SLC6A11: variants seen among roughly 807,000 people sequenced by gnomAD.
SLC6A11 encodes sodium- and chloride-dependent GABA transporter 3.
In SLC6A11, 25 loss-of-function variants were observed where a neutral mutation model predicts 74.8. That is an observed-to-expected ratio of 0.33 (90% confidence interval 0.24 to 0.47). The LOEUF (loss-of-function observed/expected upper bound fraction) is 0.47, where lower values mean the gene tolerates loss of function less well. Ranked by LOEUF, SLC6A11 falls within the 20% of genes least tolerant of loss-of-function variation. The pLI, the probability that SLC6A11 is intolerant of heterozygous loss-of-function variation, is 1.00. For missense variants in SLC6A11, 574 were observed against 837.0 expected (o/e 0.69, Z 3.88); for synonymous variants, 330 against 330.2 (o/e 1.00, Z 0.01).
At chr3:10,929,509 G>A (rs1339862722) in intron 10 of SLC6A11, among the ~76,000 whole-genome samples, 170 bp downstream of exon 10, 1 of 152,092 alleles carries the variant, frequency 6.6e-6, no homozygotes, top group East Asian at 1.9e-4. Flanking sequence ...TTCTCATCAG[G>A]CCCTCAGCAC....
At chr3:10,904,304 C>A (rs1363510682) in intron 6 of SLC6A11, among the ~76,000 whole-genome samples, 1 of 152,196 alleles carries the variant, frequency 6.6e-6, no homozygotes, top group African/African-American at 2.4e-5. Context: ...GTTCTCTGTA[C>A]CTACTGTGCA....
chr3:10,925,548 G>A (rs941122639), intron 8 of SLC6A11, among the ~76,000 whole-genome samples: 1 of 152,208 alleles, frequency 6.6e-6, no homozygotes, highest in Non-Finnish European at 1.5e-5. Flanking sequence ...ACCAGAGGAA[G>A]AGGCTGCCAG....
chr3:10,925,010 A>G, intron 8 of SLC6A11, among the ~76,000 whole-genome samples: 1 of 152,216 alleles, frequency 6.6e-6, no homozygotes, highest in East Asian at 1.9e-4. Context: ...TAGTCCGAGG[A>G]CGAAAAAAAA....
Position 10,918,863 on chromosome 3 carries a change from T to C in SLC6A11, c.1120+410T>C, listed in dbSNP as rs555481084. 6.6e-6 allele frequency among the ~76,000 whole-genome samples: 1 copy of C among 152,108 alleles called. No homozygotes were observed. The highest frequency in any genetic ancestry group is 2.4e-5 in the African/African-American group (1 of 41,496). On this transcript the variant is annotated intron_variant, in intron 8 of 13. Transcript: ENST00000254488. This position sits in a 1 kb window ranked among gnomAD's most constrained non-coding sequence, Gnocchi z 4.5. ...TTTTTTCAAAATGCAAATTTGAACATGTCTTCTCTGATGAAAAGCCTTTCT... is the reference window on the plus strand; with the variant it reads ...TTTTTTCAAAATGCAAATTTGAACACGTCTTCTCTGATGAAAAGCCTTTCT...
At chr3:10,903,142 A>G (rs1695261457) in intron 6 of SLC6A11, among the ~76,000 whole-genome samples, 1 of 152,186 alleles carries the variant, frequency 6.6e-6, no homozygotes, top group South Asian at 2.1e-4. Flanking sequence ...CTAAGGCATT[A>G]CCACAGCAAA....
At chr3:10,866,836 AG>A (rs1396766556) in intron 5 of SLC6A11, among the ~76,000 whole-genome samples, 4 of 152,294 alleles carry the variant, frequency 2.6e-5, no homozygotes, top group African/African-American at 9.6e-5. Context: ...AAAAATTGTG[AG>A]GAGGCCACAT....
At position 10,935,051 on chromosome 3, in the gene SLC6A11, T is replaced by C. The variant is rs774582956; in HGVS notation, c.1598T>C (p.Ile533Thr). The change falls in exon 13 of 14, where the codon ATC becomes ACC. Residue 533 changes from isoleucine to threonine, a missense_variant. By Grantham distance (89) the Ile-to-Thr change is moderately conservative. Coordinates refer to ENST00000254488, the MANE Select transcript of SLC6A11 (RefSeq NM_014229.3). ...CAGGGGATCTTCATCTTCTTCTTGA[T>C]CAAGTACAAGCCACTCAAGTACAAC... ...ICAGIFIFFL[I>T]KYKPLKYNNI... is the part of the protein sequence containing the mutation. 2.5e-6 allele frequency: 4 copies of C among 1,613,916 alleles called. No individual in the cohort carries two copies. The highest frequency in any genetic ancestry group is 3.4e-6 in the Non-Finnish European group (4 of 1,179,992).
At chr3:10,909,574 T>C (rs1157392539) in intron 6 of SLC6A11, among the ~76,000 whole-genome samples, 1 of 152,208 alleles carries the variant, frequency 6.6e-6, no homozygotes, top group Non-Finnish European at 1.5e-5. Flanking sequence ...TTGCTCACTC[T>C]GGCCTGCACA....
intron 5 of SLC6A11, among the ~76,000 whole-genome samples, chr3:10,868,928 C>T (rs907122493): frequency 1.3e-5 from 2 of 152,184 alleles, no homozygotes; most frequent in Non-Finnish European, 2.9e-5. Flanking sequence ...ATAAATATGC[C>T]TCTGAAAATC....
At chr3:10,840,870 T>C (rs957926340) in intron 4 of SLC6A11, among the ~76,000 whole-genome samples, 1 of 152,150 alleles carries the variant, frequency 6.6e-6, no homozygotes, top group Non-Finnish European at 1.5e-5. Flanking sequence ...TCAAGGACTG[T>C]GGGGAGGGTT....
At chr3:10,817,920 G>A (rs138561862) in intron 1 of SLC6A11, among the ~76,000 whole-genome samples, 2 of 152,226 alleles carry the variant, frequency 1.3e-5, no homozygotes, top group East Asian at 3.9e-4. Flanking sequence ...GCGTCCACTT[G>A]GAAACCTGTG....
rs1214910006 is a variant in SLC6A11 at position 10,874,899 on chromosome 3, G to A, written c.757-62G>A. ...ACATGCACCCAAAGGACATTGTGCT[G>A]AGTGAAGTAACCCCATTGCTCTCAC... On this transcript the variant is annotated intron_variant, in intron 5 of 13. Coordinates refer to ENST00000254488, the MANE Select transcript of SLC6A11 (RefSeq NM_014229.3). 22 of 1,512,002 alleles carry A rather than the reference G, an allele frequency of 1.5e-5. No homozygotes were observed. The South Asian group carries it at 2.8e-4, about 19-fold the overall frequency. The allele number at this position is 1,512,002 out of a possible 1,614,324, so 93.7% of individuals were successfully genotyped here.
At chr3:10,865,846 G>A (rs1048787695) in intron 5 of SLC6A11, among the ~76,000 whole-genome samples, 1 of 152,170 alleles carries the variant, frequency 6.6e-6, no homozygotes, top group South Asian at 2.1e-4. Context: ...CAGCTCCTGG[G>A]TTGTCCTCAG....
chr3:10,907,350 A>G (rs758160546), intron 6 of SLC6A11, among the ~76,000 whole-genome samples: 1 of 152,158 alleles, frequency 6.6e-6, no homozygotes, highest in African/African-American at 2.4e-5. Context: ...ATAAAGTCAG[A>G]AAAGAACAAA....
intron 5 of SLC6A11, among the ~76,000 whole-genome samples, chr3:10,873,249 C>T (rs796821370): frequency 3.3e-5 from 5 of 152,286 alleles, no homozygotes; most frequent in African/African-American, 1.2e-4. Flanking sequence ...AAGGGTCTCT[C>T]GGGTTCATTG....
At chr3:10,840,574 G>C (rs576642602) in intron 4 of SLC6A11, among the ~76,000 whole-genome samples, 1 of 152,224 alleles carries the variant, frequency 6.6e-6, no homozygotes, top group Non-Finnish European at 1.5e-5. Context: ...TACTAAATGC[G>C]TGAATGCCAT....
At chr3:10,913,128 C>T (rs1388451277) in intron 7 of SLC6A11, among the ~76,000 whole-genome samples, 1 of 148,674 alleles carries the variant, frequency 6.7e-6, no homozygotes, top group Non-Finnish European at 1.5e-5. Context: ...ATTAGATTCT[C>T]ATATATCATC....
intron 6 of SLC6A11, among the ~76,000 whole-genome samples, chr3:10,899,108 TG>T (rs1695205978): frequency 6.6e-6 from 1 of 152,190 alleles, no homozygotes; most frequent in Admixed American, 6.5e-5. Flanking sequence ...TATCTCCCAC[TG>T]GTCCCTCCCA....
intron 4 of SLC6A11, among the ~76,000 whole-genome samples, chr3:10,828,096 A>T (rs1363157411): frequency 6.6e-6 from 1 of 152,166 alleles, no homozygotes; most frequent in South Asian, 2.1e-4. Flanking sequence ...TTGAGCCTGT[A>T]CCCTCTGGTG....
Sources: gnomAD v4.1 joint callset for allele counts (sites outside exome capture counted in the v4.1 genomes callset) on GRCh38, gnomAD v4.1.1 for gene constraint, Gnocchi (gnomAD v3.1) non-coding constraint, MANE v1.5 for transcripts, NCBI Gene and HGNC (gene_info 2026-07-23, HGNC 2026-07-21) for gene names.